CNTNAP2: variants seen among roughly 807,000 people sequenced by gnomAD.
CNTNAP2 encodes the protein contactin-associated protein-like 2.
CNTNAP2 carries 98 observed loss-of-function variants against 155.2 expected under a neutral mutation model. That is an observed-to-expected ratio of 0.63 (90% CI 0.54 to 0.75). The LOEUF (loss-of-function observed/expected upper bound fraction) is 0.75, where lower values mean the gene tolerates loss of function less well. CNTNAP2 is among the 30% of genes least tolerant of loss of function. The probability of loss-of-function intolerance (pLI) is 0.00; values close to 1 mark genes in which losing one functional copy is unlikely to be tolerated. For synonymous variants in CNTNAP2, 651 were observed against 631.2 expected, an observed-to-expected ratio of 1.03 and a Z score of -0.47; for missense variants, 1,727 against 1,688.1, an observed-to-expected ratio of 1.02 and a Z score of -0.40.
intron 8 of CNTNAP2, among the ~76,000 whole-genome samples, chr7:147,213,833 G>C (rs1458890522): frequency 1.3e-5 from 2 of 152,018 alleles, no homozygotes; most frequent in African/African-American, 4.8e-5. Flanking sequence ...GAGAACTCAG[G>C]GGGCCACTGG....
chr7:147,098,573 C>T (rs890606816), intron 4 of CNTNAP2, among the ~76,000 whole-genome samples: 2 of 152,108 alleles, frequency 1.3e-5, no homozygotes, highest in South Asian at 2.1e-4. Context: ...CTAAAATTTG[C>T]TTTAAAGGAG....
chr7:147,578,015 A>G (rs1800428674), intron 12 of CNTNAP2, among the ~76,000 whole-genome samples: 1 of 152,084 alleles, frequency 6.6e-6, no homozygotes, highest in South Asian at 2.1e-4. Flanking sequence ...CTTCTATACA[A>G]CATTTGAGTA....
In CNTNAP2 at chr7:146,253,654, G is replaced by A. The variant is rs150982382; in HGVS notation, c.97+136681G>A. ...TATTTAACAGAGAGATGGATCTATT[G>A]GAGGCAGTCATCTGAGATGATCAGA... On this transcript the variant is annotated intron_variant, in intron 1 of 23. Transcript: ENST00000361727. Among the ~76,000 whole-genome samples, 19 of 152,258 alleles carry A rather than the reference G, an allele frequency of 1.2e-4. No homozygotes were observed. The East Asian group carries it at 3.7e-3, about 29-fold the overall frequency.
chr7:148,303,928 A>G (rs1797441057), intron 21 of CNTNAP2, among the ~76,000 whole-genome samples: 2 of 152,228 alleles, frequency 1.3e-5, no homozygotes, highest in South Asian at 4.1e-4. Flanking sequence ...TAAGATAAAT[A>G]AGTTGAAGTT....
At chr7:146,447,308 A>G (rs1409061163) in intron 1 of CNTNAP2, among the ~76,000 whole-genome samples, 1 of 152,090 alleles carries the variant, frequency 6.6e-6, no homozygotes, top group Non-Finnish European at 1.5e-5. Context: ...TATTGTCTCA[A>G]TAACTAGCTC....
intron 12 of CNTNAP2, among the ~76,000 whole-genome samples, chr7:147,617,042 T>C (rs1801306685): frequency 6.6e-6 from 1 of 152,200 alleles, no homozygotes; most frequent in Admixed American, 6.5e-5. Flanking sequence ...TTTCCATTTC[T>C]GACTCATCCA....
intron 2 of CNTNAP2, among the ~76,000 whole-genome samples, chr7:146,799,718 G>A (rs1321050217): frequency 6.6e-6 from 1 of 152,106 alleles, no homozygotes; most frequent in Non-Finnish European, 1.5e-5. Flanking sequence ...TGAGATTTTA[G>A]CCTAATACCT....
intron 13 of CNTNAP2, among the ~76,000 whole-genome samples, chr7:147,749,493 A>T (rs569706764): frequency 6.6e-6 from 1 of 152,318 alleles, no homozygotes; most frequent in African/African-American, 2.4e-5. Flanking sequence ...ATGAACATAT[A>T]AAAGATTTTG....
chr7:146,362,805 T>A (rs1795101605), intron 1 of CNTNAP2, among the ~76,000 whole-genome samples: 1 of 138,334 alleles, frequency 7.2e-6, no homozygotes, highest in Non-Finnish European at 1.5e-5. Flanking sequence ...GGAGTCTCGC[T>A]CTGTTGCCAG....
chr7:147,128,232 T>A (rs1162290074), intron 6 of CNTNAP2, among the ~76,000 whole-genome samples: 44 of 152,202 alleles, frequency 2.9e-4, no homozygotes, highest in Admixed American at 2.8e-3. Flanking sequence ...CAAGTCTGCA[T>A]AGGGTAAATA....
chr7:146,977,144 TAAAATA>T (rs1165824513), intron 3 of CNTNAP2, among the ~76,000 whole-genome samples: 1 of 151,874 alleles, frequency 6.6e-6, no homozygotes, highest in African/African-American at 2.4e-5. Flanking sequence ...ATAAAAAACA[TAAAATA>T]ATAATGAAAA....
intron 1 of CNTNAP2, among the ~76,000 whole-genome samples, chr7:146,696,261 C>T (rs981706518): frequency 8.5e-5 from 13 of 152,108 alleles, no homozygotes; most frequent in South Asian, 4.1e-4. Context: ...TTTTATATTG[C>T]GCCTTCTGTG....
chr7:147,027,004 GA>G (rs57810224), intron 3 of CNTNAP2, among the ~76,000 whole-genome samples: 12,429 of 67,380 alleles, frequency 0.18, 582 homozygotes, highest in Middle Eastern at 0.29. Flanking sequence ...AAACAGAACA[GA>G]AAAAAAAAAA....
chr7:147,740,971 A>G (rs1404740), intron 13 of CNTNAP2, among the ~76,000 whole-genome samples: 151,465 of 152,302 alleles, frequency 0.99, 75,318 homozygotes, highest in Middle Eastern at 1. Flanking sequence ...AGAAAAAGCT[A>G]GACTGCCATT....
chr7:147,126,172 A>G (rs1801230322), intron 6 of CNTNAP2, among the ~76,000 whole-genome samples: 1 of 152,310 alleles, frequency 6.6e-6, no homozygotes, highest in African/African-American at 2.4e-5. Context: ...CAATGTGCCC[A>G]GCTGAAAAGC....
intron 20 of CNTNAP2, among the ~76,000 whole-genome samples, chr7:148,262,841 C>T (rs1012379093): frequency 6.6e-6 from 1 of 152,202 alleles, no homozygotes; most frequent in Non-Finnish European, 1.5e-5. Flanking sequence ...TCTCGTGTCA[C>T]ATGGTCAGGT....
At chr7:147,614,353 T>G (rs897595391) in intron 12 of CNTNAP2, among the ~76,000 whole-genome samples, 1 of 152,166 alleles carries the variant, frequency 6.6e-6, no homozygotes, top group African/African-American at 2.4e-5. Flanking sequence ...TTTATGTGAT[T>G]CTTCTTTAAT....
chr7:147,239,088 T>C (rs1406212019), intron 8 of CNTNAP2, among the ~76,000 whole-genome samples: 2 of 152,198 alleles, frequency 1.3e-5, no homozygotes, highest in Non-Finnish European at 2.9e-5. Flanking sequence ...GGTCATTTTA[T>C]AGGAAAGGAA....
At chr7:147,357,709 C>A (rs1009498322) in intron 9 of CNTNAP2, among the ~76,000 whole-genome samples, 1 of 152,040 alleles carries the variant, frequency 6.6e-6, no homozygotes, top group Admixed American at 6.6e-5. Flanking sequence ...TGGTTTCTGT[C>A]ATGATACTGT....
Sources: allele counts gnomAD v4.1 joint callset (sites outside exome capture counted in the v4.1 genomes callset), GRCh38; gene constraint gnomAD v4.1.1; transcripts MANE v1.5; gene names NCBI Gene and HGNC (gene_info 2026-07-23, HGNC 2026-07-21).